Variants in PTGR1 observed in about 807,000 individuals in gnomAD.
The protein encoded by PTGR1 is prostaglandin reductase 1.
PTGR1 carries 23 observed loss-of-function variants against 37.7 expected under a neutral mutation model. That is an observed-to-expected ratio of 0.61 (90% CI 0.44 to 0.86). The LOEUF (loss-of-function observed/expected upper bound fraction) is 0.86. Ranked by LOEUF, PTGR1 falls within the 40% of genes least tolerant of loss-of-function variation. PTGR1 has a pLI of 0.00. For synonymous variants in PTGR1, 134 were observed against 140.0 expected (o/e 0.96, Z 0.30); for missense variants, 351 against 394.3 (o/e 0.89, Z 0.93).
At chr9:111,557,006 T>TA (rs1207662725) in intron 9 of PTGR1, among the ~76,000 whole-genome samples, 3 of 152,212 alleles carry the variant, frequency 2.0e-5, no homozygotes, top group Non-Finnish European at 2.9e-5. Context: ...AACCATTTTT[T>TA]ATCTCCTAGG....
At chr9:111,590,347 G>A (rs6477828) in intron 4 of PTGR1, among the ~76,000 whole-genome samples, 69,816 of 151,936 alleles carry the variant, frequency 0.46, 16,436 homozygotes, top group African/African-American at 0.56. Flanking sequence ...TACTATTTGT[G>A]GGAGTGAACA....
intron 9 of PTGR1, 78 bp downstream of exon 9, chr9:111,570,013 G>T: frequency 6.3e-7 from 1 of 1,591,488 alleles, no homozygotes; most frequent in Non-Finnish European, 8.6e-7. Flanking sequence ...GGGAAGAATT[G>T]GTAGAACAAA....
chr9:111,588,750 T>C (rs1028726937), intron 4 of PTGR1, among the ~76,000 whole-genome samples: 7 of 152,046 alleles, frequency 4.6e-5, no homozygotes, highest in Non-Finnish European at 7.4e-5. Flanking sequence ...AGTCTTGAAC[T>C]CCTGACCTCA....
rs1829060439 is a variant in PTGR1 at position 111,576,481 on chromosome 9, G to A, written c.652-1639C>T. The stretch of plus-strand genomic sequence containing the variant: ...GACCAGAGGATGGGGCCACTGCAGT[G>A]CAGTTCAAGAGGCTCTGGTTCGGGG... On this transcript the variant is annotated intron_variant, in intron 7 of 9. Transcript: ENST00000407693. 3 of 1,606,374 alleles carry A rather than the reference G, an allele frequency of 1.9e-6. No homozygotes were observed. The Admixed American group carries it at 5.0e-5, about 27-fold the overall frequency.
chr9:111,568,126 TA>T (rs1477320279), intron 9 of PTGR1, among the ~76,000 whole-genome samples: 2 of 152,096 alleles, frequency 1.3e-5, no homozygotes, highest in Admixed American at 1.3e-4. Context: ...AAGACAACCA[TA>T]AGGTCTAACT....
At position 111,557,073 on chromosome 9, in the gene PTGR1, C is replaced by T. The variant is rs116222371; in HGVS notation, c.880-7274G>A. Among the ~76,000 whole-genome samples the T allele has an allele frequency of 3.9e-3, 591 of 152,330 alleles. 3 individuals carry two copies. Among genetic ancestry groups the T allele is most frequent in the African/African-American group, 0.013 (532 of 41,584 alleles). ...GAAGATCTCTGAAATGCCCTGGAAG[C>T]ATTTTCCCCATTGTCTTGGCTATTA... On this transcript the variant is annotated intron_variant, in intron 9 of 9. Coordinates refer to the PTGR1 transcript ENST00000538962.
At chr9:111,570,023 A>G in intron 9 of PTGR1, 68 bp downstream of exon 9, 1 of 1,600,820 alleles carries the variant, frequency 6.2e-7, no homozygotes, top group Non-Finnish European at 8.5e-7. Flanking sequence ...GGTAGAACAA[A>G]AGCCTTGAGA....
chr9:111,558,201 G>C (rs1205458033), downstream of PTGR1, among the ~76,000 whole-genome samples: 2 of 152,134 alleles, frequency 1.3e-5, no homozygotes, highest in African/African-American at 4.8e-5. Context: ...AGTGTATTCA[G>C]GTATTTGTCT....
chr9:111,584,272 G>A lies in PTGR1; in HGVS notation c.378-683C>T, dbSNP rs150181810. Reference sequence around the variant, plus strand: ...CTTTCTTCACAACCAAAGTTTCCTCGTGTCTCCCTTCACCTCTTCTCCCCT... The same window carrying A: ...CTTTCTTCACAACCAAAGTTTCCTCATGTCTCCCTTCACCTCTTCTCCCCT... On this transcript the variant is annotated intron_variant, in intron 5 of 9. Transcript: ENST00000407693. 9.9e-4 allele frequency among the ~76,000 whole-genome samples: 150 copies of A among 152,236 alleles called. 1 individual carries two copies. The highest frequency in any genetic ancestry group is 3.4e-3 in the African/African-American group (143 of 41,526).
At chr9:111,576,393 G>C (rs371446394) in intron 7 of PTGR1, 1 of 1,614,148 alleles carries the variant, frequency 6.2e-7, no homozygotes, top group Admixed American at 1.7e-5. Context: ...AAAAGATGCA[G>C]ATGTTCTCTG....
chr9:111,554,542 G>A (rs1343566069), intron 9 of PTGR1, among the ~76,000 whole-genome samples: 1 of 152,142 alleles, frequency 6.6e-6, no homozygotes, highest in African/African-American at 2.4e-5. Flanking sequence ...ACCTCAGATA[G>A]TACCAAACCC....
At chr9:111,579,935 G>A (rs892401016) in intron 6 of PTGR1, among the ~76,000 whole-genome samples, 1 of 152,182 alleles carries the variant, frequency 6.6e-6, no homozygotes, top group African/African-American at 2.4e-5. Flanking sequence ...ACCAGAATAT[G>A]TGCCACTGTG....
chr9:111,560,944 A>AATATATAT (rs746101013), downstream of PTGR1, among the ~76,000 whole-genome samples: 2 of 31,226 alleles, frequency 6.4e-5, no homozygotes, highest in African/African-American at 2.9e-4. Flanking sequence ...CTCCATCTAA[A>AATATATAT]ATATATATAT....
chr9:111,597,383 C>A lies in PTGR1; in HGVS notation c.40G>T (p.Val14Phe). 1.2e-6 allele frequency: 2 copies of A among 1,613,596 alleles called. No individual in the cohort carries two copies. The highest frequency in any genetic ancestry group is 8.5e-7 in the Non-Finnish European group (1 of 1,179,796). The stretch of plus-strand genomic sequence containing the variant: ...AAGTCACTATTAGTAGGATAGCCAA[C>A]AAAGTGCTTCTTCAGGGTCCATGTC... ...TKTWTLKKHF[V>F]GYPTNSDFEL... The change falls in exon 2 of 10, where the codon GTT becomes TTT. Residue 14 changes from valine (V) to phenylalanine (F), a missense_variant. Coordinates refer to ENST00000407693, the MANE Select transcript of PTGR1 (RefSeq NM_001146108.2).
At chr9:111,555,751 A>G (rs868549056) in intron 9 of PTGR1, among the ~76,000 whole-genome samples, 4 of 152,128 alleles carry the variant, frequency 2.6e-5, no homozygotes, top group South Asian at 4.2e-4. Context: ...CAGGAGGGAA[A>G]TCTGCCACCA....
intron 1 of PTGR1, 23 bp from the exon 2 acceptor site, chr9:111,597,455 TCA>T: frequency 4.1e-6 from 6 of 1,474,118 alleles, no homozygotes; most frequent in Non-Finnish European, 5.7e-6. Flanking sequence ...AAATATGTAG[TCA>T]ACTGCCATGA....
intron 8 of PTGR1, 105 bp from the exon 9 acceptor site, chr9:111,570,314 G>A: frequency 1.4e-6 from 2 of 1,460,762 alleles, no homozygotes; most frequent in South Asian, 1.5e-5. Context: ...GGAGTTTTTT[G>A]GTGCTTCTCC....
chr9:111,594,742 C>T (rs142388506), intron 2 of PTGR1, among the ~76,000 whole-genome samples: 3,256 of 151,076 alleles, frequency 0.022, 110 homozygotes, highest in African/African-American at 0.072. Context: ...TTAGTAGAGA[C>T]GGGTTTCACC....
At chr9:111,566,379 A>C (rs1828562617) in intron 9 of PTGR1, among the ~76,000 whole-genome samples, 1 of 152,192 alleles carries the variant, frequency 6.6e-6, no homozygotes, top group Non-Finnish European at 1.5e-5. Context: ...CCCTGGTGAC[A>C]GCCCAGCCCG....
Sources: gnomAD v4.1 joint callset for allele counts (sites outside exome capture counted in the v4.1 genomes callset) on GRCh38, gnomAD v4.1.1 for gene constraint, MANE v1.5 for transcripts, NCBI Gene and HGNC (gene_info 2026-07-23, HGNC 2026-07-21) for gene names.